AGBL4: variants seen among roughly 807,000 people sequenced by gnomAD.
AGBL4 encodes the protein AGBL carboxypeptidase 4.
A neutral mutation model predicts 66.4 loss-of-function variants in AGBL4; 58 were observed. That is an observed-to-expected ratio of 0.87 (90% CI 0.71 to 1.09). AGBL4 has a LOEUF of 1.09. Ranked by LOEUF, AGBL4 falls within the 50% of genes least tolerant of loss-of-function variation. The probability of loss-of-function intolerance (pLI) is 0.00; values close to 1 mark genes in which losing one functional copy is unlikely to be tolerated. For synonymous variants in AGBL4, 234 were observed against 222.9 expected, an observed-to-expected ratio of 1.05 and a Z score of -0.44; for missense variants, 579 against 631.0, an observed-to-expected ratio of 0.92 and a Z score of 0.88.
intron 3 of AGBL4, among the ~76,000 whole-genome samples, chr1:49,640,379 A>AAACAGC (rs1298652076): frequency 1.3e-5 from 2 of 152,180 alleles, no homozygotes; most frequent in Non-Finnish European, 2.9e-5. Context: ...AGGGCCTTTG[A>AAACAGC]AACAGCTAAA....
chr1:49,694,754 A>G (rs1646952894), intron 3 of AGBL4, among the ~76,000 whole-genome samples: 1 of 152,190 alleles, frequency 6.6e-6, no homozygotes, highest in South Asian at 2.1e-4. Flanking sequence ...TTTGAACAAC[A>G]AAAAGAACAT....
At chr1:48,771,332 C>G (rs1644819855) in intron 6 of AGBL4, among the ~76,000 whole-genome samples, 1 of 152,198 alleles carries the variant, frequency 6.6e-6, no homozygotes, top group African/African-American at 2.4e-5. Context: ...ATTCTGCTTT[C>G]TGGATGTGCT....
chr1:49,958,999 C>A (rs1387910413), intron 1 of AGBL4, among the ~76,000 whole-genome samples: 2 of 150,358 alleles, frequency 1.3e-5, no homozygotes, highest in East Asian at 2.0e-4. Flanking sequence ...AGTCAAACAT[C>A]AAAAGCAGCC....
At chr1:49,355,008 C>A (rs1281015868) in intron 3 of AGBL4, among the ~76,000 whole-genome samples, 1 of 152,030 alleles carries the variant, frequency 6.6e-6, no homozygotes, top group African/African-American at 2.4e-5. Context: ...TTAGACATGA[C>A]AATTAACCTT....
chr1:48,728,766 T>C (rs1333823524), intron 6 of AGBL4, among the ~76,000 whole-genome samples: 1 of 152,234 alleles, frequency 6.6e-6, no homozygotes, highest in Non-Finnish European at 1.5e-5. Context: ...TGATGCCTGG[T>C]AAATTGCTTT....
intron 1 of AGBL4, chr1:49,994,399 C>T (rs966837830): frequency 1.3e-5 from 2 of 149,722 alleles, no homozygotes; most frequent in African/African-American, 4.9e-5. Flanking sequence ...AATGAGGAAG[C>T]AGTATATGAA....
intron 3 of AGBL4, among the ~76,000 whole-genome samples, chr1:49,398,333 T>TTC (rs36025670): frequency 0.016 from 2,302 of 143,642 alleles, 26 homozygotes; most frequent in East Asian, 0.047. Flanking sequence ...CTCTCTCTCT[T>TTC]TCTCTCTCTC....
intron 3 of AGBL4, among the ~76,000 whole-genome samples, chr1:49,421,184 A>T (rs988208277): frequency 3.2e-4 from 48 of 152,204 alleles, no homozygotes; most frequent in African/African-American, 1.1e-3. Flanking sequence ...TCACTGAGCT[A>T]ACCAGAGCAT....
At chr1:49,813,022 A>T (rs1259807373) in intron 2 of AGBL4, among the ~76,000 whole-genome samples, 1 of 151,268 alleles carries the variant, frequency 6.6e-6, no homozygotes, top group Non-Finnish European at 1.5e-5. Context: ...AAACTTAAAC[A>T]ATACCTGTAG....
At chr1:49,111,273 C>T (rs770716555) in intron 4 of AGBL4, among the ~76,000 whole-genome samples, 20 of 152,064 alleles carry the variant, frequency 1.3e-4, no homozygotes, top group South Asian at 4.1e-4. Context: ...CCACCACGCC[C>T]GGCTAATTTT....
At chr1:48,780,376 G>A in intron 6 of AGBL4, among the ~76,000 whole-genome samples, 1 of 152,056 alleles carries the variant, frequency 6.6e-6, no homozygotes, top group East Asian at 1.9e-4. Flanking sequence ...TAGATTCAAT[G>A]CTATCCCCAT....
chr1:49,271,546 A>T (rs1644059041), intron 3 of AGBL4, among the ~76,000 whole-genome samples: 1 of 151,276 alleles, frequency 6.6e-6, no homozygotes, highest in Non-Finnish European at 1.5e-5. Flanking sequence ...ACACACACAC[A>T]CACACACGTA....
chr1:49,465,372 C>T (rs1646608038), intron 3 of AGBL4, among the ~76,000 whole-genome samples: 1 of 151,554 alleles, frequency 6.6e-6, no homozygotes, highest in South Asian at 2.1e-4. Context: ...CTCTTAGAGC[C>T]TGTGTCCTCA....
chr1:49,133,262 G>C (rs564654866), intron 4 of AGBL4, among the ~76,000 whole-genome samples: 28 of 152,172 alleles, frequency 1.8e-4, no homozygotes, highest in African/African-American at 6.3e-4. Context: ...AGGGGAGGGA[G>C]AGCATTCGGA....
At chr1:49,251,111 A>G (rs1652025939) in intron 3 of AGBL4, among the ~76,000 whole-genome samples, 1 of 152,120 alleles carries the variant, frequency 6.6e-6, no homozygotes, top group Non-Finnish European at 1.5e-5. Flanking sequence ...GCCTGGCCAC[A>G]TCTGCTTACA....
chr1:48,692,180 A>G (rs577178407), intron 6 of AGBL4, among the ~76,000 whole-genome samples: 8 of 152,332 alleles, frequency 5.3e-5, no homozygotes, highest in South Asian at 2.1e-4. Flanking sequence ...TACAGGGGGA[A>G]GGGTGTGAGA....
chr1:49,845,015 G>A, intron 2 of AGBL4: 2 of 1,436,024 alleles, frequency 1.4e-6, no homozygotes, highest in Non-Finnish European at 1.9e-6. Flanking sequence ...GGAACACGTG[G>A]AAAAAGGGAG....
chr1:49,378,344 C>A (rs1253618736), intron 3 of AGBL4, among the ~76,000 whole-genome samples: 1 of 152,042 alleles, frequency 6.6e-6, no homozygotes, highest in Non-Finnish European at 1.5e-5. Context: ...CTATATCCCA[C>A]CTCTTAATCT....
At chr1:49,537,866 G>A (rs1651723486) in intron 3 of AGBL4, among the ~76,000 whole-genome samples, 1 of 151,918 alleles carries the variant, frequency 6.6e-6, no homozygotes, top group Non-Finnish European at 1.5e-5. Flanking sequence ...GGTGGAGCTT[G>A]TAGTGAGCCA....
Sources: allele counts gnomAD v4.1 joint callset (sites outside exome capture counted in the v4.1 genomes callset), GRCh38; gene constraint gnomAD v4.1.1; transcripts MANE v1.5; gene names NCBI Gene and HGNC (gene_info 2026-07-23, HGNC 2026-07-21).